Variants in CCDC170 observed in about 807,000 individuals in gnomAD.
The protein encoded by CCDC170 is coiled-coil domain containing 170, also known as coiled-coil domain-containing protein 170.
In CCDC170, 69 loss-of-function variants were observed where a neutral mutation model predicts 72.6. The ratio of observed to expected loss-of-function variants is 0.95; its 90% CI spans 0.78 to 1.16. The LOEUF is 1.16. Among genes scored for constraint, CCDC170 ranks in the 50% most tolerant of loss-of-function variants. The pLI is 0.00. For synonymous variants in CCDC170, 300 were observed against 303.9 expected (o/e 0.99, Z 0.13); for missense variants, 852 against 832.5 (o/e 1.02, Z -0.29).
At chr6:151,554,543 G>A (rs1200412719) in intron 5 of CCDC170, among the ~76,000 whole-genome samples, 1 of 151,988 alleles carries the variant, frequency 6.6e-6, no homozygotes, top group Non-Finnish European at 1.5e-5. Flanking sequence ...TGACCAACAC[G>A]GCAAAACCCC....
Position 151,544,586 on chromosome 6 carries a change from A to C in CCDC170, c.458A>C (p.Glu153Ala). ...LNEKLQKCSK[E>A]NEENKKQVSK... Reference sequence around the variant, plus strand: ...TTGCCTAACAGAAAGTGTTCAAAAGAAAATGAGGAGAATAAGAAACAAGTT... The same window carrying C: ...TTGCCTAACAGAAAGTGTTCAAAAGCAAATGAGGAGAATAAGAAACAAGTT... Residue 153 changes from glutamate (E) to alanine (A), a missense_variant, in exon 4 of 11, where the codon GAA (glutamate) becomes GCA (alanine). Transcript: ENST00000239374. 6.2e-7 allele frequency: 1 copy of C among 1,612,654 alleles called. No individual in the cohort carries two copies. Among genetic ancestry groups the C allele is most frequent in the Non-Finnish European group, 8.5e-7 (1 of 1,178,822 alleles).
chr6:151,504,968 G>T (rs762816587), intron 1 of CCDC170, among the ~76,000 whole-genome samples: 10 of 152,030 alleles, frequency 6.6e-5, no homozygotes, highest in Non-Finnish European at 1.3e-4. Context: ...AAGGAGAGAC[G>T]CTCAGTAGAG....
intron 2 of CCDC170, 57 bp from the exon 3 acceptor site, chr6:151,537,988 T>C (rs1782617458): frequency 6.6e-7 from 1 of 1,509,214 alleles, no homozygotes; most frequent in African/African-American, 1.4e-5. Context: ...TTCTTAAAGA[T>C]AATTCAAACT....
chr6:151,563,598 A>G (rs1270785914), intron 5 of CCDC170, among the ~76,000 whole-genome samples: 1 of 152,096 alleles, frequency 6.6e-6, no homozygotes, highest in Non-Finnish European at 1.5e-5. Flanking sequence ...GCTGTTTCCC[A>G]CTATGGGTGC....
At chr6:151,601,051 A>G (rs186216973) in intron 9 of CCDC170, among the ~76,000 whole-genome samples, 1 of 152,362 alleles carries the variant, frequency 6.6e-6, no homozygotes, top group Non-Finnish European at 1.5e-5. Flanking sequence ...TGATAAAGAC[A>G]TACCCGAGAC....
chr6:151,538,388 AT>A (rs1583016090), intron 3 of CCDC170, 87 bp downstream of exon 3: 1 of 1,302,026 alleles, frequency 7.7e-7, no homozygotes, highest in Admixed American at 2.1e-5. Context: ...AAGTACTGGC[AT>A]TTTGCATTAC....
chr6:151,526,728 T>C (rs567147525), intron 1 of CCDC170, among the ~76,000 whole-genome samples: 1 of 152,070 alleles, frequency 6.6e-6, no homozygotes, highest in East Asian at 1.9e-4. Context: ...TAGGCCTTAA[T>C]TGCCTGATTT....
At chr6:151,590,310 T>C (rs1404187464) in intron 7 of CCDC170, among the ~76,000 whole-genome samples, 2 of 152,230 alleles carry the variant, frequency 1.3e-5, no homozygotes, top group Non-Finnish European at 2.9e-5. Context: ...ATTATTTGAA[T>C]TATAGAAGAA....
At chr6:151,565,041 G>C (rs1273069797) in intron 5 of CCDC170, among the ~76,000 whole-genome samples, 2 of 152,196 alleles carry the variant, frequency 1.3e-5, no homozygotes, top group Non-Finnish European at 2.9e-5. Flanking sequence ...GCGTTGGGGA[G>C]CCTGTCCTTG....
intron 1 of CCDC170, among the ~76,000 whole-genome samples, chr6:151,494,732 C>T (rs1781885330): frequency 6.6e-6 from 1 of 152,164 alleles, no homozygotes. Context: ...AATGCGCGCG[C>T]GCACACACAC....
chr6:151,586,282 T>C (rs902133931), intron 7 of CCDC170, among the ~76,000 whole-genome samples, 193 bp downstream of exon 7: 1 of 152,200 alleles, frequency 6.6e-6, no homozygotes, highest in African/African-American at 2.4e-5. Flanking sequence ...CGAGTATTTA[T>C]TGAATGCCTA....
chr6:151,533,300 C>G (rs527625379), intron 1 of CCDC170, among the ~76,000 whole-genome samples: 1 of 151,914 alleles, frequency 6.6e-6, no homozygotes, highest in South Asian at 2.1e-4. Flanking sequence ...GTGATCTGCC[C>G]GCCTTGGCCT....
intron 7 of CCDC170, among the ~76,000 whole-genome samples, chr6:151,590,824 A>G (rs1776524106): frequency 6.6e-6 from 1 of 152,144 alleles, no homozygotes; most frequent in South Asian, 2.1e-4. Flanking sequence ...GTAGAAATAG[A>G]AAGAAAGAGG....
At chr6:151,597,641 G>A (rs1776645877) in intron 9 of CCDC170, among the ~76,000 whole-genome samples, 1 of 152,176 alleles carries the variant, frequency 6.6e-6, no homozygotes, top group Admixed American at 6.6e-5. Flanking sequence ...AGTGGAGAAG[G>A]TCACCAGAAC....
At chr6:151,612,798 G>A (rs908293139) in intron 9 of CCDC170, among the ~76,000 whole-genome samples, 2 of 152,030 alleles carry the variant, frequency 1.3e-5, no homozygotes, top group Admixed American at 6.6e-5. Context: ...TTATTATTTG[G>A]TGTCTTTTAT....
At chr6:151,537,997 C>T in intron 2 of CCDC170, 48 bp from the exon 3 acceptor site, 1 of 1,532,948 alleles carries the variant, frequency 6.5e-7, no homozygotes, top group Non-Finnish European at 8.8e-7. Flanking sequence ...ATAATTCAAA[C>T]TTATGTTGTT....
chr6:151,584,324 T>C (rs1479202936), intron 6 of CCDC170, among the ~76,000 whole-genome samples: 1 of 152,230 alleles, frequency 6.6e-6, no homozygotes, highest in Non-Finnish European at 1.5e-5. Context: ...TGATTATTTA[T>C]TATTTTTAAT....
chr6:151,548,412 A>C lies in CCDC170; in HGVS notation c.697A>C (p.Met233Leu), dbSNP rs759814650. 4 of 1,613,188 alleles carry C rather than the reference A, an allele frequency of 2.5e-6. No homozygotes were observed. Among genetic ancestry groups the C allele is most frequent in the Non-Finnish European group, 3.4e-6 (4 of 1,179,394 alleles). The change falls in exon 5 of 11, where the codon ATG (methionine) becomes CTG (leucine). Residue 233 changes from methionine to leucine, a missense_variant. Physicochemically the swap from Met to Leu is conservative, Grantham distance 15. Transcript: ENST00000239374. Reference sequence around the variant, plus strand: ...AGCAAAAGCTAGCAGAGAAACGATCATGAGGCTGGCTTCAGAAGTCAACAG... The same window carrying C: ...AGCAAAAGCTAGCAGAGAAACGATCCTGAGGCTGGCTTCAGAAGTCAACAG... Reference protein sequence around the residue: ...MEAKASRETIMRLASEVNREQ... With the variant: ...MEAKASRETILRLASEVNREQ...
chr6:151,580,223 A>G (rs558653383), intron 6 of CCDC170, among the ~76,000 whole-genome samples: 8 of 151,830 alleles, frequency 5.3e-5, no homozygotes, highest in Admixed American at 1.3e-4. Context: ...TATTGAATCA[A>G]TTTTCTCTTT....
Sources: allele counts gnomAD v4.1 joint callset (sites outside exome capture counted in the v4.1 genomes callset), GRCh38; gene constraint gnomAD v4.1.1; transcripts MANE v1.5; gene names NCBI Gene and HGNC (gene_info 2026-07-23, HGNC 2026-07-21).